The following GALNT13 variants were observed in gnomAD, a reference collection of about 807,000 sequenced individuals.
The protein encoded by GALNT13 is UDP-GalNAc:polypeptide N-acetylgalactosaminyltransferase 13.
In GALNT13, 28 loss-of-function variants were observed where a neutral mutation model predicts 64.2. The ratio of observed to expected loss-of-function variants is 0.44; its 90% CI spans 0.32 to 0.60. GALNT13 has a LOEUF of 0.60. Ranked by LOEUF, GALNT13 falls within the 20% of genes least tolerant of loss-of-function variation. The pLI is 0.05. For missense variants in GALNT13, 577 were observed against 669.8 expected (o/e 0.86, Z 1.53); for synonymous variants, 214 against 224.6 (o/e 0.95, Z 0.42).
At chr2:153,092,690 C>T in the GALNT13 span, among the ~76,000 whole-genome samples, 1 of 152,146 alleles carries the variant, frequency 6.6e-6, no homozygotes, top group African/African-American at 2.4e-5. Context: ...ATTTTGTATT[C>T]TGCAGCTTTA....
intron 12 of GALNT13, among the ~76,000 whole-genome samples, chr2:154,448,038 C>A (rs1341014892): frequency 6.6e-6 from 1 of 151,952 alleles, no homozygotes; most frequent in Admixed American, 6.6e-5. Flanking sequence ...CAGTCTGTTG[C>A]AAGGAGATGA....
chr2:153,823,481 T>A, the GALNT13 span, among the ~76,000 whole-genome samples: 2 of 152,078 alleles, frequency 1.3e-5, no homozygotes, highest in African/African-American at 2.4e-5. Context: ...CACAACCATA[T>A]GATCCTTGAC....
the GALNT13 span, among the ~76,000 whole-genome samples, chr2:153,464,154 C>CA: frequency 6.6e-6 from 1 of 151,990 alleles, no homozygotes; most frequent in African/African-American, 2.4e-5. Context: ...CTACTTTAGT[C>CA]AAAATTGACT....
At chr2:153,142,151 A>C in the GALNT13 span, among the ~76,000 whole-genome samples, 1 of 152,072 alleles carries the variant, frequency 6.6e-6, no homozygotes, top group Non-Finnish European at 1.5e-5. Flanking sequence ...CCAGTTCATC[A>C]ATTCTGCCAT....
chr2:153,403,013 A>T, the GALNT13 span, among the ~76,000 whole-genome samples: 1 of 151,280 alleles, frequency 6.6e-6, no homozygotes, highest in Non-Finnish European at 1.5e-5. Context: ...TCTGCTTTTT[A>T]GAGTTTCCAG....
the GALNT13 span, among the ~76,000 whole-genome samples, chr2:153,720,001 G>T: frequency 4.6e-5 from 7 of 151,552 alleles, no homozygotes; most frequent in Non-Finnish European, 3.0e-5. Context: ...CTCCACCTCT[G>T]GGGGCAGGGC....
the GALNT13 span, among the ~76,000 whole-genome samples, chr2:153,793,786 T>G: frequency 1.3e-5 from 2 of 152,228 alleles, no homozygotes; most frequent in Non-Finnish European, 2.9e-5. Flanking sequence ...TAGCATTTTC[T>G]TATACTTTAT....
At chr2:153,969,905 C>A (rs1042328770) in intron 3 of GALNT13, among the ~76,000 whole-genome samples, 4 of 152,020 alleles carry the variant, frequency 2.6e-5, no homozygotes, top group Admixed American at 6.6e-5. Flanking sequence ...TGAGCTGGAC[C>A]TGAAAAGATG....
At chr2:153,550,387 G>T in the GALNT13 span, among the ~76,000 whole-genome samples, 2 of 151,574 alleles carry the variant, frequency 1.3e-5, no homozygotes, top group African/African-American at 2.4e-5. Flanking sequence ...GATGTGCACC[G>T]CCACACTCAG....
At chr2:154,268,592 A>T (rs1319308420) in intron 8 of GALNT13, among the ~76,000 whole-genome samples, 1 of 152,132 alleles carries the variant, frequency 6.6e-6, no homozygotes, top group Non-Finnish European at 1.5e-5. Context: ...TTATACTTTA[A>T]TAAAGCTGTT....
rs1186360013 is a variant in GALNT13, at chr2:153,890,526, G to A, written c.-176-10410G>A. Among the ~76,000 whole-genome samples, 4 of 151,948 alleles carry A rather than the reference G, an allele frequency of 2.6e-5. No homozygotes were observed. In the East Asian group the frequency reaches 5.8e-4, roughly 22 times the overall value. ...GCACCCCAACTTAAAACTTTTTCCC[G>A]TGTTGCTTTCTCAATCCAGGTTCAC... On this transcript the variant is annotated intron_variant, in intron 1 of 12. Transcript: ENST00000392825.
intron 3 of GALNT13, among the ~76,000 whole-genome samples, chr2:154,121,628 C>T (rs1476568179): frequency 1.3e-5 from 2 of 151,632 alleles, no homozygotes; most frequent in Non-Finnish European, 2.9e-5. Context: ...ATGTTTATTG[C>T]CATATTTTGA....
intron 9 of GALNT13, among the ~76,000 whole-genome samples, chr2:154,373,683 A>T (rs1008452114): frequency 2.6e-5 from 4 of 152,170 alleles, no homozygotes; most frequent in African/African-American, 9.7e-5. Context: ...CTTTACTTAC[A>T]TCATCATTAA....
chr2:153,949,931 A>G (rs1453144177), intron 3 of GALNT13, among the ~76,000 whole-genome samples: 1 of 152,066 alleles, frequency 6.6e-6, no homozygotes, highest in African/African-American at 2.4e-5. Flanking sequence ...ATGAAATTGG[A>G]TGCCTAACTC....
At chr2:153,430,123 G>C in the GALNT13 span, among the ~76,000 whole-genome samples, 1 of 152,064 alleles carries the variant, frequency 6.6e-6, no homozygotes, top group Non-Finnish European at 1.5e-5. Context: ...TTTTAGATTG[G>C]ACTTATTAAA....
At chr2:153,407,184 T>G in the GALNT13 span, among the ~76,000 whole-genome samples, 1 of 152,166 alleles carries the variant, frequency 6.6e-6, no homozygotes, top group African/African-American at 2.4e-5. Flanking sequence ...GAAATACAAA[T>G]TCTCAGGCCC....
At chr2:153,885,260 T>C (rs1269440170) in intron 1 of GALNT13, among the ~76,000 whole-genome samples, 1 of 151,944 alleles carries the variant, frequency 6.6e-6, no homozygotes, top group African/African-American at 2.4e-5. Flanking sequence ...CTAAAGGTGT[T>C]CATTGCCTTC....
At chr2:154,124,643 G>T (rs948957149) in intron 3 of GALNT13, among the ~76,000 whole-genome samples, 1 of 151,904 alleles carries the variant, frequency 6.6e-6, no homozygotes, top group Non-Finnish European at 1.5e-5. Context: ...CCTCTCACTT[G>T]TAGGGAAAGT....
At chr2:153,170,400 A>G in the GALNT13 span, among the ~76,000 whole-genome samples, 2 of 152,206 alleles carry the variant, frequency 1.3e-5, no homozygotes, top group African/African-American at 4.8e-5. Flanking sequence ...GGAAGATTCA[A>G]CCTCAGACTT....
Sources: gnomAD v4.1 joint callset for allele counts (sites outside exome capture counted in the v4.1 genomes callset) on GRCh38, gnomAD v4.1.1 for gene constraint, MANE v1.5 for transcripts, NCBI Gene and HGNC (gene_info 2026-07-23, HGNC 2026-07-21) for gene names.